The following SYNE1 variants were observed in gnomAD, a reference collection of about 807,000 sequenced individuals.
The protein encoded by SYNE1 is spectrin repeat containing nuclear envelope protein 1, also known as nesprin-1.
In SYNE1, 616 loss-of-function variants were observed where a neutral mutation model predicts 1,111.0. The observed-to-expected ratio is 0.55, with a 90% CI of 0.52 to 0.59. The LOEUF is 0.59. SYNE1 is among the 20% of genes least tolerant of loss of function. The pLI is 0.00. For synonymous variants in SYNE1, 3,855 were observed against 3,825.8 expected, an observed-to-expected ratio of 1.01 and a Z score of -0.28; for missense variants, 10,006 against 10,417.0, an observed-to-expected ratio of 0.96 and a Z score of 1.72.
At position 152,461,577 on chromosome 6, in the gene SYNE1, G is replaced by A; in HGVS notation, c.2394+20C>T. On this transcript the variant is annotated intron_variant, in intron 21 of 145. Transcript: ENST00000367255. ...CTGTTGGTGTCACACAGCCTATTGT[G>A]CATTAAATTATTTTCGCACCTTGGT... 6.2e-7 allele frequency: 1 copy of A among 1,613,868 alleles called. No homozygotes were observed. Among genetic ancestry groups the A allele is most frequent in the South Asian group, 1.1e-5 (1 of 91,076 alleles).
intron 7 of SYNE1, 54 bp downstream of exon 7, chr6:152,510,957 A>G: frequency 2.0e-6 from 3 of 1,511,286 alleles, no homozygotes; most frequent in East Asian, 2.3e-5. Context: ...AATGGCCACC[A>G]TGATCTCCCT....
chr6:152,350,623 C>T lies in SYNE1; in HGVS notation c.11728G>A (p.Gly3910Arg), dbSNP rs1353279766. 6.2e-7 allele frequency: 1 copy of T among 1,614,142 alleles called. No individual in the cohort carries two copies. The highest frequency in any genetic ancestry group is 8.5e-7 in the Non-Finnish European group (1 of 1,180,018). The change falls in exon 71 of 146, where the codon GGA becomes AGA. Residue 3910 changes from glycine (G) to arginine (R), a missense_variant. By Grantham distance (125) the Gly-to-Arg change is moderately radical. Around this residue, in one of 7 missense-constraint regions of SYNE1, gnomAD observed 4,955 missense variants for 5,017.2 expected, o/e 0.99. Transcript: ENST00000367255. ...QSDYQDLCSI[G>R]KEHVFSLEAK... ...AGTCTTTCATCTCTCCTTACCTTTCCTATGCTGCACAGGTCCTGGTAATCA... is the reference window on the plus strand; with the variant it reads ...AGTCTTTCATCTCTCCTTACCTTTCTTATGCTGCACAGGTCCTGGTAATCA...
At chr6:152,339,671 T>C (rs1286631820) in intron 74 of SYNE1, among the ~76,000 whole-genome samples, 1 of 152,230 alleles carries the variant, frequency 6.6e-6, no homozygotes, top group Non-Finnish European at 1.5e-5. Context: ...CCAGCTTATT[T>C]TCCATTCCAG....
chr6:152,361,226 G>A (rs916682258), intron 64 of SYNE1, among the ~76,000 whole-genome samples: 3 of 152,320 alleles, frequency 2.0e-5, no homozygotes, highest in East Asian at 1.9e-4. Context: ...GCTGGAGAGC[G>A]CAAGGGAGGA....
intron 12 of SYNE1, among the ~76,000 whole-genome samples, chr6:152,485,291 C>T (rs955124339): frequency 6.6e-6 from 1 of 152,194 alleles, no homozygotes; most frequent in African/African-American, 2.4e-5. Context: ...TAGGATTTCT[C>T]ATTTCTAGTA....
chr6:152,361,400 G>A (rs556978072), intron 64 of SYNE1, among the ~76,000 whole-genome samples: 107 of 152,308 alleles, frequency 7.0e-4, no homozygotes, highest in African/African-American at 2.5e-3. Context: ...ATAGATGGAG[G>A]CAAGAAACAA....
At chr6:152,434,069 T>A in intron 33 of SYNE1, 124 bp from the exon 34 acceptor site, 2 of 920,758 alleles carry the variant, frequency 2.2e-6, no homozygotes, top group Non-Finnish European at 3.2e-6. Flanking sequence ...AAGTTGAAAC[T>A]ATTCACGCTA....
rs1297608448 is a variant in SYNE1, at chr6:152,376,460, T to C, written c.9245A>G (p.Asn3082Ser). Residue 3082 changes from asparagine to serine, a missense_variant, in exon 58 of 146, where the codon AAT (asparagine) becomes AGT (serine). Asn to Ser is a conservative substitution (Grantham distance 46). Coordinates refer to ENST00000367255, the MANE Select transcript of SYNE1 (RefSeq NM_182961.4). ...ACACTTGGCGGTAGTGATTTTTGCA[T>C]TAACCAACCACTGCTGGAAATCCCT... is the stretch of plus-strand genomic sequence containing the variant. ...AFRDFQQWLV[N>S]AKITTAKCFD... The C allele has an allele frequency of 6.2e-7, 1 of 1,614,098 alleles. No individual in the cohort carries two copies. Among genetic ancestry groups the C allele is most frequent in the Non-Finnish European group, 8.5e-7 (1 of 1,180,048 alleles).
At chr6:152,186,404 A>T (rs1251871930) in intron 128 of SYNE1, among the ~76,000 whole-genome samples, 3 of 151,776 alleles carry the variant, frequency 2.0e-5, no homozygotes, top group East Asian at 1.9e-4. Context: ...TAAAAATACA[A>T]AATTTACAGG....
chr6:152,405,047 T>C (rs1246637972), intron 45 of SYNE1: 1 of 152,286 alleles, frequency 6.6e-6, no homozygotes, highest in Non-Finnish European at 1.5e-5. Context: ...CTGGAAGACG[T>C]GATGAGCTGT....
In SYNE1 at chr6:152,180,518, G is replaced by A. The variant is rs374256118; in HGVS notation, c.23302-224C>T. ...ACACATTAGCTTATTAAAGGTTCTG[G>A]ATAATGCAACTTCACACAATTGGTT... On this transcript the variant is annotated intron_variant, in intron 128 of 145. Transcript: ENST00000367255. Among the ~76,000 whole-genome samples the A allele has an allele frequency of 1.2e-4, 19 of 152,180 alleles. 1 individual carries two copies. In the South Asian group the frequency reaches 4.0e-3, roughly 32 times the overall value.
intron 42 of SYNE1, among the ~76,000 whole-genome samples, chr6:152,409,910 C>A (rs1021621312): frequency 6.6e-6 from 1 of 152,088 alleles, no homozygotes; most frequent in African/African-American, 2.4e-5. Context: ...GAGGTATGCA[C>A]GCAACCACTG....
chr6:152,139,404 C>G (rs767754174), intron 140 of SYNE1, among the ~76,000 whole-genome samples: 1 of 151,550 alleles, frequency 6.6e-6, no homozygotes, highest in Non-Finnish European at 1.5e-5. Flanking sequence ...AACCCCATCT[C>G]TACTAAAAAT....
chr6:152,257,359 C>A (rs1415566503), intron 101 of SYNE1, among the ~76,000 whole-genome samples: 1 of 152,036 alleles, frequency 6.6e-6, no homozygotes, highest in Non-Finnish European at 1.5e-5. Flanking sequence ...ATGGTGAAAC[C>A]CCGTCTCTAC....
intron 98 of SYNE1, among the ~76,000 whole-genome samples, chr6:152,270,395 C>G (rs1321590803): frequency 6.6e-6 from 1 of 152,110 alleles, no homozygotes; most frequent in East Asian, 1.9e-4. Context: ...ACCCTTCACT[C>G]CCTCCATCAC....
Position 152,407,124 on chromosome 6 carries a change from T to C in SYNE1, c.6613A>G (p.Thr2205Ala). ...SLSIWDDVLS[T>A]RDEIEGWSNN... is the part of the protein sequence containing the mutation. ...GACCATCCCTCAATCTCATCTCTAGTTGACAGTACATCATCCCAAATGGAC... is the reference window on the plus strand; with the variant it reads ...GACCATCCCTCAATCTCATCTCTAGCTGACAGTACATCATCCCAAATGGAC... Residue 2205 changes from threonine to alanine, a missense_variant, in exon 45 of 146, where the codon ACT becomes GCT. Transcript: ENST00000367255. The C allele has an allele frequency of 6.2e-7, 1 of 1,614,032 alleles. No homozygotes were observed. Among genetic ancestry groups the C allele is most frequent in the Non-Finnish European group, 8.5e-7 (1 of 1,179,992 alleles).
chr6:152,617,689 G>T (rs965864865), intron 3 of SYNE1, among the ~76,000 whole-genome samples: 1 of 152,180 alleles, frequency 6.6e-6, no homozygotes, highest in African/African-American at 2.4e-5. Context: ...AGAGCTTCTT[G>T]CATAAACCCT....
In SYNE1 at chr6:152,234,749, G is replaced by C. The variant is rs2083599293; in HGVS notation, c.20448C>G (p.Asp6816Glu). The C allele has an allele frequency of 1.2e-6, 2 of 1,614,172 alleles. No homozygotes were observed. Among genetic ancestry groups the C allele is most frequent in the East Asian group, 4.5e-5 (2 of 44,874 alleles). Reference protein sequence around the residue: ...DLIHWLQSAKDRLEFWTQQSV... With the variant: ...DLIHWLQSAKERLEFWTQQSV... ...ATTGCTGAGTCCAAAATTCTAGCCGGTCTTTTGCAGATTGTAACCAGTGAA... is the reference window on the plus strand; with the variant it reads ...ATTGCTGAGTCCAAAATTCTAGCCGCTCTTTTGCAGATTGTAACCAGTGAA... The change falls in exon 111 of 146, where the codon GAC (aspartate) becomes GAG (glutamate). Residue 6816 changes from aspartate (D) to glutamate (E), a missense_variant. Transcript: ENST00000367255.
At chr6:152,488,901 A>G (rs1374132372) in intron 11 of SYNE1, among the ~76,000 whole-genome samples, 3 of 152,152 alleles carry the variant, frequency 2.0e-5, no homozygotes, top group Non-Finnish European at 4.4e-5. Context: ...ATTCATTTTG[A>G]CTGAATTTGA....
Sources: gnomAD v4.1 joint callset for allele counts (sites outside exome capture counted in the v4.1 genomes callset) on GRCh38, gnomAD v4.1.1 for gene constraint, gnomAD v4.1.1 regional missense constraint, MANE v1.5 for transcripts, NCBI Gene and HGNC (gene_info 2026-07-23, HGNC 2026-07-21) for gene names.